PDE1A: variants seen among roughly 807,000 people sequenced by gnomAD.
PDE1A encodes the protein dual specificity calcium/calmodulin-dependent 3',5'-cyclic nucleotide phosphodiesterase 1A.
In PDE1A, 35 loss-of-function variants were observed where a neutral mutation model predicts 61.7. The ratio of observed to expected loss-of-function variants is 0.57; its 90% CI spans 0.43 to 0.75. PDE1A has a LOEUF of 0.75. Ranked by LOEUF, PDE1A falls within the 30% of genes least tolerant of loss-of-function variation. PDE1A has a pLI of 0.00. For missense variants in PDE1A, 597 were observed against 630.6 expected (o/e 0.95, Z 0.57); for synonymous variants, 232 against 213.2 (o/e 1.09, Z -0.77).
chr2:182,268,274 CT>C (rs1282670959), intron 1 of PDE1A, among the ~76,000 whole-genome samples: 1 of 151,900 alleles, frequency 6.6e-6, no homozygotes, highest in Non-Finnish European at 1.5e-5. Context: ...GTATAGACAA[CT>C]TTGCTAAAAA....
chr2:182,261,807 G>C (rs1692236443), intron 2 of PDE1A, among the ~76,000 whole-genome samples: 1 of 152,172 alleles, frequency 6.6e-6, no homozygotes. Context: ...TTAAATGACA[G>C]ACAGGACACT....
intron 2 of PDE1A, among the ~76,000 whole-genome samples, chr2:182,432,401 T>C (rs1022038620): frequency 6.6e-6 from 1 of 151,608 alleles, no homozygotes; most frequent in Non-Finnish European, 1.5e-5. Flanking sequence ...AATTAAAGTA[T>C]CTTTTTTTAA....
intron 2 of PDE1A, among the ~76,000 whole-genome samples, chr2:182,500,295 G>A (rs774697371): frequency 6.6e-6 from 1 of 152,160 alleles, no homozygotes; most frequent in Non-Finnish European, 1.5e-5. Flanking sequence ...CACTGAAGTG[G>A]TCATAGAACT....
intron 1 of PDE1A, among the ~76,000 whole-genome samples, chr2:182,396,265 T>C (rs1239690013): frequency 2.0e-5 from 3 of 152,220 alleles, no homozygotes; most frequent in Non-Finnish European, 2.9e-5. Context: ...AGGACATCCC[T>C]GAAGGACAGT....
chr2:182,405,867 T>G (rs1702270314), intron 1 of PDE1A, among the ~76,000 whole-genome samples: 1 of 152,108 alleles, frequency 6.6e-6, no homozygotes. Context: ...AACATCACAT[T>G]GTACCCATAA....
chr2:182,334,117 CCAGA>C (rs1158961304), intron 1 of PDE1A, among the ~76,000 whole-genome samples: 2 of 151,936 alleles, frequency 1.3e-5, no homozygotes, highest in Non-Finnish European at 2.9e-5. Flanking sequence ...AAACCCAGGA[CCAGA>C]CAGATTCACA....
intron 3 of PDE1A, among the ~76,000 whole-genome samples, chr2:182,235,229 C>T (rs150165964): frequency 1.9e-3 from 282 of 152,234 alleles, no homozygotes; most frequent in South Asian, 7.9e-3. Context: ...ATGCAAGCTC[C>T]GCCTCCCGGG....
intron 3 of PDE1A, among the ~76,000 whole-genome samples, chr2:182,235,610 T>G (rs1383630242): frequency 2.0e-5 from 3 of 152,224 alleles, no homozygotes; most frequent in African/African-American, 7.2e-5. Context: ...TTCGGGACTC[T>G]GAAAGAAACA....
intron 1 of PDE1A, among the ~76,000 whole-genome samples, chr2:182,313,884 G>A (rs951563837): frequency 6.6e-6 from 1 of 152,052 alleles, no homozygotes; most frequent in Non-Finnish European, 1.5e-5. Flanking sequence ...AAAAAGACTG[G>A]GAATACCTAG....
At chr2:182,364,768 C>A (rs992985663) in intron 1 of PDE1A, among the ~76,000 whole-genome samples, 1 of 151,798 alleles carries the variant, frequency 6.6e-6, no homozygotes, top group Non-Finnish European at 1.5e-5. Context: ...GTTTTTACAA[C>A]ACAATAAACA....
intron 1 of PDE1A, among the ~76,000 whole-genome samples, chr2:182,419,627 AC>A (rs546227275): frequency 1.3e-5 from 2 of 152,158 alleles, no homozygotes; most frequent in Non-Finnish European, 2.9e-5. Context: ...GTTCACCCCA[AC>A]AATAGAGAGA....
rs182788765 is a variant in PDE1A at position 182,209,244 on chromosome 2, C to T, written c.777-3179G>A. On this transcript the variant is annotated intron_variant, in intron 7 of 13. Coordinates refer to ENST00000351439, the Ensembl canonical transcript of PDE1A. Reference sequence around the variant, plus strand: ...AAAGGCAAGTCTCACATGGTGGCCGCAAGAGAGAGAATGAGAACCAAGTGA... The same window carrying T: ...AAAGGCAAGTCTCACATGGTGGCCGTAAGAGAGAGAATGAGAACCAAGTGA... Among the ~76,000 whole-genome samples the T allele has an allele frequency of 9.2e-5, 14 of 152,164 alleles. No homozygotes were observed. In the East Asian group the frequency reaches 2.7e-3, roughly 30 times the overall value.
rs185133615 is a variant in PDE1A at position 182,241,987 on chromosome 2, G to A, written c.168-1695C>T. ...GGCTTGAAAATATCACTACTTTAAA[G>A]ATAATGCCATTTCTACTATCTCTTA... On this transcript the variant is annotated intron_variant, in intron 2 of 13. Transcript: ENST00000351439. The A allele has an allele frequency of 2.7e-4, 396 of 1,462,664 alleles. 3 individuals carry two copies. The African/African-American group carries it at 4.6e-3, about 17-fold the overall frequency. 90.6% of individuals were successfully genotyped at this position (1,462,664 alleles called of 1,614,324 possible). A position where few individuals can be genotyped will look rare whatever the true frequency, so the allele number is the denominator to read the frequency against.
chr2:182,149,625 G>A (rs948641778), intron 13 of PDE1A, among the ~76,000 whole-genome samples: 4 of 152,068 alleles, frequency 2.6e-5, no homozygotes, highest in South Asian at 2.1e-4. Context: ...AGTTGTAGAC[G>A]CCTTTACAAT....
In PDE1A at chr2:182,383,633, T is replaced by A. The variant is rs116560388; in HGVS notation, c.53+42945A>T. Among the ~76,000 whole-genome samples the A allele has an allele frequency of 6.1e-3, 929 of 152,278 alleles. 4 individuals carry two copies. Among genetic ancestry groups the A allele is most frequent in the South Asian group, 0.017 (80 of 4,820 alleles). On this transcript the variant is annotated intron_variant, in intron 1 of 13. Transcript: ENST00000351439. ...TGGCAGAGTATGGCCCTCCAGTAGT[T>A]ATCCCCCAACAAAAACATCAATTTG...
chr2:182,562,467 T>C, the PDE1A span, among the ~76,000 whole-genome samples: 3 of 151,110 alleles, frequency 2.0e-5, no homozygotes, highest in Admixed American at 2.0e-4. Flanking sequence ...CAGTATTTTA[T>C]TGAGGATTTT....
chr2:182,348,392 C>A (rs180981929), intron 1 of PDE1A, among the ~76,000 whole-genome samples: 11 of 152,102 alleles, frequency 7.2e-5, no homozygotes, highest in African/African-American at 2.4e-4. Context: ...ATGTATAGAA[C>A]AATTCAGGAT....
chr2:182,391,331 C>T (rs916340410), intron 1 of PDE1A, among the ~76,000 whole-genome samples: 2 of 152,128 alleles, frequency 1.3e-5, no homozygotes, highest in South Asian at 2.1e-4. Flanking sequence ...AGTTAAAAAA[C>T]GTTCTAATAG....
At chr2:182,529,812 G>A in the PDE1A span, among the ~76,000 whole-genome samples, 5 of 152,140 alleles carry the variant, frequency 3.3e-5, no homozygotes, top group Admixed American at 6.5e-5. Context: ...TCTCTTGTCT[G>A]CCACCATATA....
Sources: gnomAD v4.1 joint callset for allele counts (sites outside exome capture counted in the v4.1 genomes callset) on GRCh38, gnomAD v4.1.1 for gene constraint, MANE v1.5 for transcripts, NCBI Gene and HGNC (gene_info 2026-07-23, HGNC 2026-07-21) for gene names.